GTF2F2: variants seen among roughly 807,000 people sequenced by gnomAD.
GTF2F2 encodes the protein general transcription factor IIF subunit 2.
In GTF2F2, 23 loss-of-function variants were observed where a neutral mutation model predicts 42.2. That is an observed-to-expected ratio of 0.55 (90% CI 0.39 to 0.77). The LOEUF is 0.77. GTF2F2 is among the 30% of genes least tolerant of loss of function. The pLI is 0.00. For synonymous variants in GTF2F2, 105 were observed against 100.8 expected, an observed-to-expected ratio of 1.04 and a Z score of -0.25; for missense variants, 261 against 287.2, an observed-to-expected ratio of 0.91 and a Z score of 0.66.
intron 4 of GTF2F2, among the ~76,000 whole-genome samples, chr13:45,191,474 T>TA (rs1329376064): frequency 6.6e-6 from 1 of 151,716 alleles, no homozygotes; most frequent in African/African-American, 2.4e-5. Context: ...GGAACAGAAA[T>TA]ACTCTGAAAG....
At chr13:45,201,468 C>T (rs1009747948) in intron 4 of GTF2F2, among the ~76,000 whole-genome samples, 2 of 152,120 alleles carry the variant, frequency 1.3e-5, no homozygotes, top group African/African-American at 4.8e-5. Flanking sequence ...GAAGAGATCT[C>T]AGACATTCTA....
chr13:45,207,882 C>T (rs548438965), intron 5 of GTF2F2, among the ~76,000 whole-genome samples: 2 of 152,194 alleles, frequency 1.3e-5, no homozygotes, highest in East Asian at 1.9e-4. Context: ...CTGGGCCAGG[C>T]ATGGTGGCAC....
At chr13:45,188,487 C>G (rs78319546) in intron 4 of GTF2F2, among the ~76,000 whole-genome samples, 1,922 of 152,204 alleles carry the variant, frequency 0.013, 40 homozygotes, top group African/African-American at 0.044. Flanking sequence ...GAGACCTGTT[C>G]ATGGTTATGC....
Position 45,231,612 on chromosome 13 carries a change from T to A in GTF2F2, c.387-21259T>A, listed in dbSNP as rs577338940. 5.3e-4 allele frequency among the ~76,000 whole-genome samples: 80 copies of A among 152,238 alleles called. 1 individual carries two copies. The South Asian group carries it at 0.016, about 30-fold the overall frequency. ...AATGGCTTTCACTCTTTAATATCAG[T>A]ATCAGCACCACAACTGGTCGTAAAT... On this transcript the variant is annotated intron_variant, in intron 5 of 7. Coordinates refer to ENST00000340473, the MANE Select transcript of GTF2F2 (RefSeq NM_004128.3).
chr13:45,243,242 C>T (rs923918380), intron 5 of GTF2F2, among the ~76,000 whole-genome samples: 6 of 152,146 alleles, frequency 3.9e-5, no homozygotes, highest in African/African-American at 1.4e-4. Context: ...ACGCCTGGGC[C>T]GCATACTGGT....
At chr13:45,188,965 A>G (rs1481991119) in intron 4 of GTF2F2, among the ~76,000 whole-genome samples, 2 of 152,050 alleles carry the variant, frequency 1.3e-5, no homozygotes, top group Non-Finnish European at 2.9e-5. Context: ...CAGGTTTGTT[A>G]CATAGGCATA....
chr13:45,226,277 C>A (rs560287417), intron 5 of GTF2F2, among the ~76,000 whole-genome samples: 1 of 152,184 alleles, frequency 6.6e-6, no homozygotes, highest in Non-Finnish European at 1.5e-5. Flanking sequence ...TCTAAACTTA[C>A]GCTGTTGGTT....
chr13:45,186,798 A>C (rs1566127764), intron 4 of GTF2F2, among the ~76,000 whole-genome samples: 1 of 152,158 alleles, frequency 6.6e-6, no homozygotes, highest in Non-Finnish European at 1.5e-5. Flanking sequence ...CGAGGCAAAA[A>C]TCAGTGGGTT....
At chr13:45,272,958 A>C (rs1593529891) in intron 7 of GTF2F2, among the ~76,000 whole-genome samples, 3 of 100,946 alleles carry the variant, frequency 3.0e-5, no homozygotes, top group Admixed American at 1.3e-4. Context: ...ACGGAGTCTC[A>C]CTCTGTTGCC....
At chr13:45,212,557 T>C (rs372919209) in intron 5 of GTF2F2, among the ~76,000 whole-genome samples, 13 of 127,362 alleles carry the variant, frequency 1.0e-4, no homozygotes, top group Middle Eastern at 4.1e-3. Context: ...TCTCTCTTTC[T>C]CTCTTTCTTT....
chr13:45,185,057 A>G (rs979300320), intron 4 of GTF2F2, among the ~76,000 whole-genome samples: 4 of 152,118 alleles, frequency 2.6e-5, no homozygotes, highest in Admixed American at 6.5e-5. Context: ...TCCTGGGCTC[A>G]AGTGATCCTC....
intron 4 of GTF2F2, among the ~76,000 whole-genome samples, chr13:45,184,202 C>A (rs1346774769): frequency 6.6e-6 from 1 of 151,956 alleles, no homozygotes; most frequent in Non-Finnish European, 1.5e-5. Flanking sequence ...TACTGTAATA[C>A]CTGAAACTTG....
chr13:45,139,248 A>G (rs868634334), intron 2 of GTF2F2, among the ~76,000 whole-genome samples: 1 of 152,186 alleles, frequency 6.6e-6, no homozygotes, highest in Non-Finnish European at 1.5e-5. Flanking sequence ...TGAATTGTGC[A>G]TGGATGGGGC....
chr13:45,146,050 C>T (rs565653416), intron 2 of GTF2F2, among the ~76,000 whole-genome samples: 1 of 152,208 alleles, frequency 6.6e-6, no homozygotes, highest in Non-Finnish European at 1.5e-5. Flanking sequence ...ATACCTTGCC[C>T]CTGCTTGCCT....
At chr13:45,139,927 A>G (rs1869838855) in intron 2 of GTF2F2, among the ~76,000 whole-genome samples, 1 of 152,202 alleles carries the variant, frequency 6.6e-6, no homozygotes, top group South Asian at 2.1e-4. Context: ...TTTATATAAA[A>G]TGGCACAGTA....
At position 45,154,833 on chromosome 13, in the gene GTF2F2, T is replaced by C. The variant is rs545538477; in HGVS notation, c.304+3002T>C. Among the ~76,000 whole-genome samples, 21 of 152,336 alleles carry C rather than the reference T, an allele frequency of 1.4e-4. 1 individual carries two copies. Among genetic ancestry groups the C allele is most frequent in the African/African-American group, 4.6e-4 (19 of 41,586 alleles). ...TTAAGGCAAGTGCATGCATTTTAGC[T>C]CAATCTGGATGTATATCACTTGGTA... On this transcript the variant is annotated intron_variant, in intron 4 of 7. Coordinates refer to ENST00000340473, the MANE Select transcript of GTF2F2 (RefSeq NM_004128.3).
chr13:45,134,491 T>C (rs1869515552), intron 1 of GTF2F2, among the ~76,000 whole-genome samples: 1 of 152,182 alleles, frequency 6.6e-6, no homozygotes, highest in Non-Finnish European at 1.5e-5. Context: ...TGAAGCCACC[T>C]TAAAGCTACC....
chr13:45,200,106 C>T (rs1202715198), intron 4 of GTF2F2, among the ~76,000 whole-genome samples: 1 of 151,392 alleles, frequency 6.6e-6, no homozygotes, highest in Non-Finnish European at 1.5e-5. Flanking sequence ...CTTGGTGGCA[C>T]GTAAAATAAT....
In GTF2F2 at chr13:45,141,869, AT is replaced by A. The variant is rs1332185685; in HGVS notation, c.140+5064del. Among the ~76,000 whole-genome samples, 3 of 152,270 alleles carry A rather than the reference AT, an allele frequency of 2.0e-5. No individual in the cohort carries two copies. In the East Asian group the frequency reaches 5.8e-4, roughly 29 times the overall value. ...GTTTTAAAACATTGTTATGTTTTAA[AT>A]CCACTAACCAGAGCAAGGTATTTTT... On this transcript the variant is annotated intron_variant, in intron 2 of 7. Coordinates refer to ENST00000340473, the MANE Select transcript of GTF2F2 (RefSeq NM_004128.3).
Sources: allele counts gnomAD v4.1 joint callset (sites outside exome capture counted in the v4.1 genomes callset), GRCh38; gene constraint gnomAD v4.1.1; transcripts MANE v1.5; gene names NCBI Gene and HGNC (gene_info 2026-07-23, HGNC 2026-07-21).